Variants in DHRSX observed in about 807,000 individuals in gnomAD.
DHRSX encodes the protein polyprenol dehydrogenase.
DHRSX carries 31 observed loss-of-function variants against 34.0 expected under a neutral mutation model. The observed-to-expected ratio is 0.91, with a 90% confidence interval of 0.69 to 1.23. The LOEUF (loss-of-function observed/expected upper bound fraction) is 1.23. Ranked by LOEUF, DHRSX falls within the 50% of genes most tolerant of loss-of-function variation. The pLI, the probability that DHRSX is intolerant of heterozygous loss-of-function variation, is 0.00. For synonymous variants in DHRSX, 201 were observed against 183.8 expected (o/e 1.09, Z -0.76); for missense variants, 414 against 428.1 (o/e 0.97, Z 0.29).
At chrX:2,469,584 C>T (rs1454550361) in intron 1 of DHRSX, among the ~76,000 whole-genome samples, 11 of 151,334 alleles carry the variant, frequency 7.3e-5, no homozygotes, top group East Asian at 5.9e-4. Context: ...GCACTGAAGA[C>T]GTTCCCTAAG....
At chrX:2,404,622 C>T (rs2043529133) in intron 3 of DHRSX, among the ~76,000 whole-genome samples, 1 of 152,116 alleles carries the variant, frequency 6.6e-6, no homozygotes, top group Admixed American at 6.5e-5. Flanking sequence ...CAAATAATCT[C>T]AAATCATAAA....
intron 3 of DHRSX, among the ~76,000 whole-genome samples, chrX:2,389,814 C>T (rs1422469656): frequency 1.3e-5 from 2 of 151,928 alleles, no homozygotes; most frequent in Non-Finnish European, 2.9e-5. Flanking sequence ...GGATTCTTGC[C>T]GTGTCACCCA....
At chrX:2,353,441 C>T (rs2042811486) in intron 3 of DHRSX, among the ~76,000 whole-genome samples, 6 of 152,026 alleles carry the variant, frequency 3.9e-5, no homozygotes, top group Admixed American at 3.9e-4. Flanking sequence ...CTAGTGAGAC[C>T]CAAGGTTCCA....
At chrX:2,319,455 A>G (rs2042280566) in intron 3 of DHRSX, among the ~76,000 whole-genome samples, 1 of 149,800 alleles carries the variant, frequency 6.7e-6, no homozygotes, top group Admixed American at 6.8e-5. Context: ...AGGCAGAAGA[A>G]GTGCTTGAAC....
chrX:2,245,516 GC>G (rs1372363499), intron 5 of DHRSX, among the ~76,000 whole-genome samples: 1 of 149,642 alleles, frequency 6.7e-6, no homozygotes, highest in Non-Finnish European at 1.5e-5. Context: ...CACCATGTTG[GC>G]CAGGCTGGTC....
chrX:2,362,879 A>G (rs55987377), intron 3 of DHRSX, among the ~76,000 whole-genome samples: 1,162 of 57,778 alleles, frequency 0.02, 14 homozygotes, highest in Non-Finnish European at 0.032. Flanking sequence ...CCGTTCTATG[A>G]TATCATGCCG....
chrX:2,393,437 C>T (rs2043359882), intron 3 of DHRSX, among the ~76,000 whole-genome samples: 1 of 151,510 alleles, frequency 6.6e-6, no homozygotes, highest in Admixed American at 6.6e-5. Context: ...AGGGACCTCC[C>T]CATCTCCTGT....
chrX:2,256,278 C>T (rs2041277377), intron 5 of DHRSX, among the ~76,000 whole-genome samples: 1 of 150,058 alleles, frequency 6.7e-6, no homozygotes, highest in Non-Finnish European at 1.5e-5. Flanking sequence ...CAGACTTAAG[C>T]CACTGTGCCT....
chrX:2,260,095 T>C (rs373227706), intron 5 of DHRSX, among the ~76,000 whole-genome samples: 16 of 150,898 alleles, frequency 1.1e-4, no homozygotes, highest in African/African-American at 3.7e-4. Flanking sequence ...CCTGACCCTG[T>C]GGCTGCATCA....
At chrX:2,322,918 T>G (rs1029806374) in intron 3 of DHRSX, among the ~76,000 whole-genome samples, 10 of 151,932 alleles carry the variant, frequency 6.6e-5, no homozygotes, top group African/African-American at 2.2e-4. Context: ...ACTCTAGTTT[T>G]TTGTTGTTGT....
At chrX:2,475,965 G>A (rs1161657949) in intron 1 of DHRSX, among the ~76,000 whole-genome samples, 1 of 152,134 alleles carries the variant, frequency 6.6e-6, no homozygotes, top group Non-Finnish European at 1.5e-5. Flanking sequence ...CCTTAACTCT[G>A]CCCAGCCCAC....
chrX:2,322,786 T>A (rs1322645824), intron 3 of DHRSX, among the ~76,000 whole-genome samples: 1 of 152,106 alleles, frequency 6.6e-6, no homozygotes, highest in African/African-American at 2.4e-5. Context: ...ATGGTATTGA[T>A]AAGGCTTCTG....
At chrX:2,414,993 G>A (rs772963754) in intron 2 of DHRSX, among the ~76,000 whole-genome samples, 2 of 148,780 alleles carry the variant, frequency 1.3e-5, no homozygotes, top group South Asian at 2.1e-4. Flanking sequence ...ATCTCATCAC[G>A]ACCTACCCAA....
intron 3 of DHRSX, among the ~76,000 whole-genome samples, chrX:2,343,034 C>T (rs971510944): frequency 1.6e-4 from 25 of 152,118 alleles, no homozygotes; most frequent in African/African-American, 5.6e-4. Flanking sequence ...AAACATCAGC[C>T]TCATGACTCA....
intron 5 of DHRSX, among the ~76,000 whole-genome samples, chrX:2,263,926 G>A (rs2041400853): frequency 6.6e-6 from 1 of 152,202 alleles, no homozygotes; most frequent in South Asian, 2.1e-4. Flanking sequence ...CCTGCTGATG[G>A]ACAGACAGTA....
intron 6 of DHRSX, among the ~76,000 whole-genome samples, chrX:2,230,119 T>G (rs1228438247): frequency 6.6e-6 from 1 of 152,168 alleles, no homozygotes; most frequent in Non-Finnish European, 1.5e-5. Context: ...GTGTGTGCAT[T>G]TATGCACGTG....
chrX:2,439,840 G>A (rs1033285890), intron 1 of DHRSX, among the ~76,000 whole-genome samples: 73 of 152,252 alleles, frequency 4.8e-4, no homozygotes, highest in African/African-American at 1.6e-3. Flanking sequence ...GCTATGGGGA[G>A]CAGCTGTCAA....
chrX:2,426,923 G>C (rs1395789787), intron 1 of DHRSX, among the ~76,000 whole-genome samples: 1 of 150,642 alleles, frequency 6.6e-6, no homozygotes, highest in Non-Finnish European at 1.5e-5. Context: ...TATGTGTAGA[G>C]CCCACACTCT....
intron 5 of DHRSX, among the ~76,000 whole-genome samples, chrX:2,247,415 G>C (rs2016322865): frequency 6.6e-6 from 1 of 151,928 alleles, no homozygotes; most frequent in Admixed American, 6.6e-5. Context: ...AGCACTTTGG[G>C]AGGCCGAGAT....
Sources: gnomAD v4.1 joint callset for allele counts (sites outside exome capture counted in the v4.1 genomes callset) on GRCh38, gnomAD v4.1.1 for gene constraint, MANE v1.5 for transcripts, NCBI Gene and HGNC (gene_info 2026-07-23, HGNC 2026-07-21) for gene names.